Variants in PTPN5 observed in about 807,000 individuals in gnomAD.
PTPN5 encodes the protein tyrosine-protein phosphatase non-receptor type 5.
In PTPN5, 29 loss-of-function variants were observed where a neutral mutation model predicts 73.9. That is an observed-to-expected ratio of 0.39 (90% CI 0.29 to 0.54). PTPN5 has a LOEUF of 0.54. Ranked by LOEUF, PTPN5 falls within the 20% of genes least tolerant of loss-of-function variation. The pLI is 0.65. For synonymous variants in PTPN5, 267 were observed against 304.7 expected (o/e 0.88, Z 1.29); for missense variants, 652 against 751.4 (o/e 0.87, Z 1.55).
rs761474637 is a variant in PTPN5, at chr11:18,729,729, G to C, written c.1419C>G (p.His473Gln). ...CTGCCTCCTCCACCTCCCGCACCAGGTGCAGGAGTGGGGGGGCCCGGTCTG... is the reference window on the plus strand; with the variant it reads ...CTGCCTCCTCCACCTCCCGCACCAGCTGCAGGAGTGGGGGGGCCCGGTCTG... ...KTPDRAPPLL[H>Q]LVREVEEAAQ... is the part of the protein sequence containing the mutation. Residue 473 changes from histidine (H) to glutamine (Q), a missense_variant, in exon 13 of 15, where the codon CAC (histidine) becomes CAG (glutamine). Around this residue, in one of 3 missense-constraint regions of PTPN5, gnomAD observed 102 missense variants for 160.5 expected, o/e 0.64. Coordinates refer to ENST00000358540, the MANE Select transcript of PTPN5 (RefSeq NM_006906.2). The surrounding 1 kb of genome is among the most constrained non-coding windows in gnomAD (Gnocchi z 5.2). 3.7e-6 allele frequency: 6 copies of C among 1,603,212 alleles called. No homozygotes were observed. In the African/African-American group the frequency reaches 8.0e-5, roughly 21 times the overall value.
chr11:18,771,744 G>A (rs918329732), intron 2 of PTPN5, among the ~76,000 whole-genome samples, 195 bp downstream of exon 2: 1 of 152,340 alleles, frequency 6.6e-6, no homozygotes, highest in African/African-American at 2.4e-5. Flanking sequence ...GCCAGGAAGA[G>A]GCCCATAATG....
intron 2 of PTPN5, among the ~76,000 whole-genome samples, chr11:18,768,388 G>C (rs1353389837): frequency 1.3e-5 from 2 of 152,178 alleles, no homozygotes; most frequent in South Asian, 2.1e-4. Context: ...TTGTGTTTGA[G>C]AGCACCCACC....
At chr11:18,787,742 TC>T (rs1272111040) in intron 1 of PTPN5, among the ~76,000 whole-genome samples, 2 of 152,136 alleles carry the variant, frequency 1.3e-5, no homozygotes, top group Non-Finnish European at 2.9e-5. Flanking sequence ...TCATCCCTCT[TC>T]CTACTTAATT....
intron 1 of PTPN5, among the ~76,000 whole-genome samples, chr11:18,778,291 G>C (rs1590612554): frequency 6.6e-6 from 1 of 152,334 alleles, no homozygotes; most frequent in Middle Eastern, 3.4e-3. Context: ...ACTGTTAAGA[G>C]TTTCAACTCA....
intron 3 of PTPN5, among the ~76,000 whole-genome samples, chr11:18,750,641 C>T (rs1346785576): frequency 6.6e-6 from 1 of 152,208 alleles, no homozygotes; most frequent in African/African-American, 2.4e-5. Flanking sequence ...CAACAGCTCT[C>T]TCCTGTGAAG....
chr11:18,759,108 A>G (rs1850276516), intron 3 of PTPN5, among the ~76,000 whole-genome samples: 1 of 152,216 alleles, frequency 6.6e-6, no homozygotes, highest in South Asian at 2.1e-4. Context: ...CCACTGCTGT[A>G]GAACTGGCCT....
At chr11:18,763,304 C>T (rs1320928206) in intron 3 of PTPN5, among the ~76,000 whole-genome samples, 1 of 152,208 alleles carries the variant, frequency 6.6e-6, no homozygotes, top group African/African-American at 2.4e-5. Context: ...CAGAAGATGA[C>T]AGTGGCTCCA....
At chr11:18,777,481 T>C (rs1284151019) in intron 1 of PTPN5, among the ~76,000 whole-genome samples, 3 of 152,200 alleles carry the variant, frequency 2.0e-5, no homozygotes, top group Admixed American at 6.5e-5. Context: ...TTTGCCTGTT[T>C]CCCAGTTAAT....
chr11:18,784,074 T>C (rs1227196408), intron 1 of PTPN5, among the ~76,000 whole-genome samples: 1 of 152,194 alleles, frequency 6.6e-6, no homozygotes, highest in East Asian at 1.9e-4. Flanking sequence ...GTCTTCATAC[T>C]GGGCACACAA....
chr11:18,741,103 C>T (rs1384147093), intron 7 of PTPN5, among the ~76,000 whole-genome samples: 4 of 152,196 alleles, frequency 2.6e-5, no homozygotes, highest in Non-Finnish European at 1.5e-5. Flanking sequence ...TCTCCTCCAT[C>T]ACCGTTGGAG....
Position 18,765,797 on chromosome 11 carries a change from G to C in PTPN5, c.97+10C>G, listed in dbSNP as rs754120950. ...AGGTCTGGGAGGAGCTGGGTGCTGA[G>C]AAGACTCACCCGGTAGCCTCTCACT... is the stretch of plus-strand genomic sequence containing the variant. On this transcript the variant is annotated intron_variant, in intron 3 of 14. Transcript: ENST00000358540. 6.4e-7 allele frequency: 1 copy of C among 1,554,884 alleles called. No individual in the cohort carries two copies. The highest frequency in any genetic ancestry group is 8.7e-7 in the Non-Finnish European group (1 of 1,145,430).
At chr11:18,771,278 G>A (rs1850884906) in intron 2 of PTPN5, among the ~76,000 whole-genome samples, 1 of 152,150 alleles carries the variant, frequency 6.6e-6, no homozygotes, top group Non-Finnish European at 1.5e-5. Flanking sequence ...AATCAAACCT[G>A]TCCATTCCTC....
chr11:18,740,150 AG>A (rs1383826950), intron 8 of PTPN5, among the ~76,000 whole-genome samples: 1 of 152,162 alleles, frequency 6.6e-6, no homozygotes, highest in Non-Finnish European at 1.5e-5. Context: ...GCCAGGGTGG[AG>A]GTGATTAGGA....
At chr11:18,745,982 G>C (rs779398287) in intron 3 of PTPN5, among the ~76,000 whole-genome samples, 1 of 151,444 alleles carries the variant, frequency 6.6e-6, no homozygotes, top group Non-Finnish European at 1.5e-5. Context: ...AGGCAGAGTG[G>C]TATCAGCTTT....
At chr11:18,784,255 G>A (rs1851571111) in intron 1 of PTPN5, among the ~76,000 whole-genome samples, 1 of 152,132 alleles carries the variant, frequency 6.6e-6, no homozygotes, top group Admixed American at 6.6e-5. Flanking sequence ...ATAGCCAAAA[G>A]GTGGAAACAG....
chr11:18,780,821 A>C (rs1851386158), intron 1 of PTPN5, among the ~76,000 whole-genome samples: 1 of 152,150 alleles, frequency 6.6e-6, no homozygotes, highest in Non-Finnish European at 1.5e-5. Flanking sequence ...AGAGGAGAAA[A>C]AAACATGGAA....
intron 3 of PTPN5, among the ~76,000 whole-genome samples, chr11:18,752,848 C>T (rs1413454591): frequency 6.6e-6 from 1 of 152,204 alleles, no homozygotes; most frequent in Non-Finnish European, 1.5e-5. Flanking sequence ...GAGACTTAAG[C>T]ACAAATGCTT....
Position 18,746,195 on chromosome 11 carries a change from A to ATATTT in PTPN5, c.98-1997_98-1996insAAATA, listed in dbSNP as rs377606416. Among the ~76,000 whole-genome samples, 3 of 114,014 alleles carry ATATTT rather than the reference A, an allele frequency of 2.6e-5. No homozygotes were observed. The South Asian group carries it at 8.2e-4, about 31-fold the overall frequency. 74.8% of individuals were successfully genotyped at this position (114,014 alleles called of 152,430 possible). On this transcript the variant is annotated intron_variant, in intron 3 of 14. Coordinates refer to ENST00000358540, the MANE Select transcript of PTPN5 (RefSeq NM_006906.2). The stretch of plus-strand genomic sequence containing the variant: ...TATATATATATATATATATATATAC[A>ATATTT]TTTTTTTTTTTTTTGAGATGGAGTC...
intron 1 of PTPN5, among the ~76,000 whole-genome samples, chr11:18,776,615 C>T (rs994556279): frequency 1.3e-5 from 2 of 152,134 alleles, no homozygotes; most frequent in African/African-American, 4.8e-5. Context: ...AAAAGTCATC[C>T]TCCACCTACA....
Sources: gnomAD v4.1 joint callset for allele counts (sites outside exome capture counted in the v4.1 genomes callset) on GRCh38, gnomAD v4.1.1 for gene constraint, gnomAD v4.1.1 regional missense constraint, Gnocchi (gnomAD v3.1) non-coding constraint, MANE v1.5 for transcripts, NCBI Gene and HGNC (gene_info 2026-07-23, HGNC 2026-07-21) for gene names.